The following ARHGAP39 variants were observed in gnomAD, a reference collection of about 807,000 sequenced individuals.
ARHGAP39 encodes the protein rho GTPase-activating protein 39.
ARHGAP39 carries 44 observed loss-of-function variants against 106.9 expected under a neutral mutation model. The observed-to-expected ratio is 0.41, with a 90% confidence interval of 0.32 to 0.53. The LOEUF is 0.53. ARHGAP39 is among the 20% of genes least tolerant of loss of function. ARHGAP39 has a pLI of 0.21. For synonymous variants in ARHGAP39, 768 were observed against 693.2 expected, an observed-to-expected ratio of 1.11 and a Z score of -1.69; for missense variants, 1,496 against 1,577.3, an observed-to-expected ratio of 0.95 and a Z score of 0.87.
intron 2 of ARHGAP39, among the ~76,000 whole-genome samples, chr8:144,601,299 C>T (rs993323760): frequency 1.4e-5 from 2 of 140,714 alleles, no homozygotes; most frequent in African/African-American, 5.5e-5. Context: ...TGCGTGCGTG[C>T]TCATGTACCT....
chr8:144,658,405 G>C (rs1404817248), intron 1 of ARHGAP39, among the ~76,000 whole-genome samples: 1 of 152,174 alleles, frequency 6.6e-6, no homozygotes, highest in Non-Finnish European at 1.5e-5. Context: ...CTCCCAAGTA[G>C]CTGGGATTAC....
intron 1 of ARHGAP39, among the ~76,000 whole-genome samples, chr8:144,635,354 G>A (rs1336890783): frequency 2.0e-5 from 3 of 152,184 alleles, no homozygotes; most frequent in Non-Finnish European, 4.4e-5. Flanking sequence ...AAAGGACAGC[G>A]TTCAAGAAGC....
At position 144,680,214 on chromosome 8, in the gene ARHGAP39, G is replaced by A. The variant is rs200502757; in HGVS notation, c.-82+5472C>T. ...TACGGTTCAGCTAGAAGACCACCTC[G>A]TCTTGAAGCCTCCCTTCACTGCTGC... On this transcript the variant is annotated intron_variant, in intron 1 of 11. Transcript: ENST00000377307. Among the ~76,000 whole-genome samples the A allele has an allele frequency of 4.6e-5, 7 of 152,200 alleles. No individual in the cohort carries two copies. The East Asian group carries it at 7.7e-4, about 17-fold the overall frequency.
intron 1 of ARHGAP39, among the ~76,000 whole-genome samples, chr8:144,607,512 G>C (rs1449162604): frequency 6.6e-6 from 1 of 152,242 alleles, no homozygotes; most frequent in Non-Finnish European, 1.5e-5. Context: ...GCACTGCTGT[G>C]GTGGGCACCT....
intron 1 of ARHGAP39, among the ~76,000 whole-genome samples, chr8:144,624,659 C>T (rs1395146240): frequency 1.9e-5 from 1 of 53,886 alleles, no homozygotes; most frequent in Admixed American, 1.5e-4. Context: ...TCCCCTGTCC[C>T]GGCGGCCCGG....
chr8:144,561,673 T>C (rs1818169398), intron 3 of ARHGAP39, among the ~76,000 whole-genome samples: 1 of 151,276 alleles, frequency 6.6e-6, no homozygotes, highest in Admixed American at 6.6e-5. Context: ...CGCGCTCCAG[T>C]GGTTTCCATC....
At chr8:144,554,986 T>G (rs1404070057) in intron 4 of ARHGAP39, among the ~76,000 whole-genome samples, 4 of 151,826 alleles carry the variant, frequency 2.6e-5, no homozygotes, top group Non-Finnish European at 5.9e-5. Context: ...TGGCCCTGCA[T>G]CTCCCACAGC....
At position 144,547,765 on chromosome 8, in the gene ARHGAP39, G is replaced by C. The variant is rs1817510473; in HGVS notation, c.1321C>G (p.Leu441Val). The change falls in exon 5 of 12, where the codon CTG (leucine) becomes GTG (valine). Residue 441 changes from leucine (L) to valine (V), a missense_variant. Physicochemically the swap from Leu to Val is conservative, Grantham distance 32. Coordinates refer to ENST00000377307, the MANE Select transcript of ARHGAP39 (RefSeq NM_025251.3). This position sits in a 1 kb window ranked among gnomAD's most constrained non-coding sequence, Gnocchi z 5.2. ...PSPCLLRDQR[L>V]GVKSGDYSTM... ...CTGTAGTCTCCGGACTTGACGCCCAGGCGCTGGTCCCTCAGCAGGCAGGGG... is the reference window on the plus strand; with the variant it reads ...CTGTAGTCTCCGGACTTGACGCCCACGCGCTGGTCCCTCAGCAGGCAGGGG... 1.3e-6 allele frequency: 2 copies of C among 1,598,164 alleles called. No individual in the cohort carries two copies. The highest frequency in any genetic ancestry group is 2.7e-5 in the African/African-American group (2 of 74,838).
intron 1 of ARHGAP39, among the ~76,000 whole-genome samples, chr8:144,663,753 C>T (rs1821892186): frequency 3.3e-5 from 5 of 152,210 alleles, no homozygotes; most frequent in Admixed American, 3.3e-4. Context: ...CTTCTGACCA[C>T]CATCTCCAAT....
At chr8:144,594,597 G>A (rs922710734) in intron 2 of ARHGAP39, among the ~76,000 whole-genome samples, 19 of 152,108 alleles carry the variant, frequency 1.2e-4, no homozygotes, top group African/African-American at 3.9e-4. Context: ...GGGAGGCTGA[G>A]GAAGGAGAAT....
At chr8:144,542,767 C>T (rs1269451342) in intron 6 of ARHGAP39, among the ~76,000 whole-genome samples, 1 of 151,880 alleles carries the variant, frequency 6.6e-6, no homozygotes, top group Non-Finnish European at 1.5e-5. Context: ...GGTGAAACCC[C>T]GTCTCTACTA....
At chr8:144,631,915 C>T (rs1012726993) in intron 1 of ARHGAP39, among the ~76,000 whole-genome samples, 1 of 152,364 alleles carries the variant, frequency 6.6e-6, no homozygotes, top group African/African-American at 2.4e-5. Context: ...GCTTTTCAAA[C>T]AGCCGGTGAC....
intron 1 of ARHGAP39, among the ~76,000 whole-genome samples, chr8:144,630,317 G>A (rs1378206545): frequency 6.6e-6 from 1 of 152,228 alleles, no homozygotes; most frequent in Non-Finnish European, 1.5e-5. Context: ...GTCTGGAAAT[G>A]TCTTCATTCT....
intron 1 of ARHGAP39, among the ~76,000 whole-genome samples, chr8:144,607,580 AG>A (rs1820341110): frequency 6.6e-6 from 1 of 151,658 alleles, no homozygotes; most frequent in African/African-American, 2.4e-5. Context: ...CCCGCCCCCC[AG>A]GAGAGGCCAT....
At chr8:144,530,968 G>GCC in intron 10 of ARHGAP39, 97 bp from the exon 11 acceptor site, 2 of 1,431,402 alleles carry the variant, frequency 1.4e-6, no homozygotes, top group African/African-American at 2.8e-5. Context: ...GTGCTGTGGG[G>GCC]GACAGGCTGG....
intron 2 of ARHGAP39, among the ~76,000 whole-genome samples, chr8:144,593,190 G>T (rs548779811): frequency 3.9e-4 from 59 of 152,260 alleles, no homozygotes; most frequent in African/African-American, 1.4e-3. Context: ...TGCACACAGC[G>T]ATCAGCCCAC....
At chr8:144,556,067 C>T (rs950391947) in intron 3 of ARHGAP39, among the ~76,000 whole-genome samples, 5 of 152,140 alleles carry the variant, frequency 3.3e-5, no homozygotes, top group African/African-American at 9.7e-5. Context: ...GGGCGGATCA[C>T]GAGGTCAGGA....
chr8:144,642,094 T>C (rs761125320), intron 1 of ARHGAP39, among the ~76,000 whole-genome samples: 7 of 152,184 alleles, frequency 4.6e-5, no homozygotes, highest in African/African-American at 1.7e-4. Context: ...TCTCAGCACT[T>C]TGGGATGCTG....
At position 144,591,809 on chromosome 8, in the gene ARHGAP39, G is replaced by A. The variant is rs1819410618; in HGVS notation, c.81-10532C>T. 6.6e-6 allele frequency among the ~76,000 whole-genome samples: 1 copy of A among 152,214 alleles called. No homozygotes were observed. Among genetic ancestry groups the A allele is most frequent in the African/African-American group, 2.4e-5 (1 of 41,466 alleles). ...CCCTCGGCAACAGCACAGCCTCCCT[G>A]CCTGGAAGGAACAGGCCCCGTGTGC... On this transcript the variant is annotated intron_variant, in intron 2 of 11. Coordinates refer to ENST00000377307, the MANE Select transcript of ARHGAP39 (RefSeq NM_025251.3). The surrounding 1 kb of genome is among the most constrained non-coding windows in gnomAD (Gnocchi z 5.3).
Sources: allele counts gnomAD v4.1 joint callset (sites outside exome capture counted in the v4.1 genomes callset), GRCh38; gene constraint gnomAD v4.1.1; non-coding constraint Gnocchi (gnomAD v3.1); transcripts MANE v1.5; gene names NCBI Gene and HGNC (gene_info 2026-07-23, HGNC 2026-07-21).